Variants in SMYD3 observed in about 807,000 individuals in gnomAD.
The protein encoded by SMYD3 is histone-lysine N-methyltransferase SMYD3.
SMYD3 carries 36 observed loss-of-function variants against 57.7 expected under a neutral mutation model. That is an observed-to-expected ratio of 0.62 (90% CI 0.48 to 0.82). SMYD3 has a LOEUF of 0.82. SMYD3 is among the 40% of genes least tolerant of loss of function. SMYD3 has a pLI of 0.00. For missense variants in SMYD3, 515 were observed against 538.8 expected, an observed-to-expected ratio of 0.96 and a Z score of 0.44; for synonymous variants, 211 against 195.0, an observed-to-expected ratio of 1.08 and a Z score of -0.68.
intron 5 of SMYD3, among the ~76,000 whole-genome samples, chr1:246,323,066 C>T (rs1006693105): frequency 5.3e-5 from 8 of 152,218 alleles, no homozygotes; most frequent in African/African-American, 1.9e-4. Flanking sequence ...TGTTTCCCAA[C>T]ACCAGCCTCG....
At chr1:245,810,169 G>A (rs994397712) in intron 10 of SMYD3, among the ~76,000 whole-genome samples, 4 of 152,200 alleles carry the variant, frequency 2.6e-5, no homozygotes, top group Admixed American at 1.3e-4. Flanking sequence ...CAGAGCCTTC[G>A]AGTTAGAGCA....
At chr1:246,028,794 A>T (rs990262918) in intron 5 of SMYD3, among the ~76,000 whole-genome samples, 1 of 152,252 alleles carries the variant, frequency 6.6e-6, no homozygotes, top group Admixed American at 6.5e-5. Flanking sequence ...AGCAAAAATA[A>T]CAAAACAGGA....
intron 5 of SMYD3, among the ~76,000 whole-genome samples, chr1:246,087,851 C>A (rs773233488): frequency 6.6e-6 from 1 of 152,190 alleles, no homozygotes; most frequent in Non-Finnish European, 1.5e-5. Flanking sequence ...AGTACTCCAA[C>A]TGTTAACCAA....
At chr1:246,419,362 TC>T (rs2067108170) in intron 1 of SMYD3, among the ~76,000 whole-genome samples, 1 of 152,208 alleles carries the variant, frequency 6.6e-6, no homozygotes, top group Admixed American at 6.5e-5. Context: ...TGTGACACCC[TC>T]CACGTCCTCC....
chr1:245,948,513 G>C (rs1182682695), intron 5 of SMYD3, among the ~76,000 whole-genome samples: 1 of 152,126 alleles, frequency 6.6e-6, no homozygotes, highest in African/African-American at 2.4e-5. Context: ...GTGCTGCCCG[G>C]GGACCACGCT....
chr1:245,906,524 C>G (rs11800207), intron 8 of SMYD3, among the ~76,000 whole-genome samples: 2 of 152,112 alleles, frequency 1.3e-5, no homozygotes, highest in African/African-American at 2.4e-5. Flanking sequence ...GAAAAGGGAA[C>G]CCTTGTACAC....
intron 1 of SMYD3, among the ~76,000 whole-genome samples, chr1:246,357,304 A>G (rs2065922853): frequency 6.6e-6 from 1 of 152,150 alleles, no homozygotes; most frequent in African/African-American, 2.4e-5. Context: ...CAAAACCAAG[A>G]TAGTGATAAG....
rs529565664 is a variant in SMYD3, at chr1:246,249,525, T to G, written c.531+77676A>C. 2.1e-3 allele frequency among the ~76,000 whole-genome samples: 291 copies of G among 136,594 alleles called. 1 individual carries two copies. Among genetic ancestry groups the G allele is most frequent in the African/African-American group, 7.0e-3 (277 of 39,300 alleles). 89.6% of individuals were successfully genotyped at this position (136,594 alleles called of 152,430 possible). A position where few individuals can be genotyped will look rare whatever the true frequency, so the allele number is the denominator to read the frequency against. On this transcript the variant is annotated intron_variant, in intron 5 of 11. Transcript: ENST00000490107. ...AGTATGGATCCTAGTTTTTTGTTTT[T>G]TTTGTATTTTTTTTTGTAATTTCCT...
chr1:246,167,599 C>T (rs557408028), intron 5 of SMYD3, among the ~76,000 whole-genome samples: 12 of 151,768 alleles, frequency 7.9e-5, no homozygotes, highest in Non-Finnish European at 1.6e-4. Flanking sequence ...CAACCTCTGC[C>T]TCCCGGGTTC....
intron 8 of SMYD3, among the ~76,000 whole-genome samples, chr1:245,901,777 C>T (rs1249583193): frequency 6.6e-6 from 1 of 152,222 alleles, no homozygotes; most frequent in Non-Finnish European, 1.5e-5. Flanking sequence ...AGATAAGCAG[C>T]AGTCTCAGCC....
intron 5 of SMYD3, among the ~76,000 whole-genome samples, chr1:246,235,007 G>A (rs554948991): frequency 6.6e-5 from 10 of 152,264 alleles, no homozygotes; most frequent in Middle Eastern, 3.4e-3. Context: ...GGAATGTGGC[G>A]TTAAATCAAA....
In SMYD3 at chr1:246,229,476, AAAGTTTAC is replaced by A. The variant is rs567902788; in HGVS notation, c.531+97717_531+97724del. Among the ~76,000 whole-genome samples the A allele has an allele frequency of 6.6e-3, 1,009 of 152,366 alleles. 14 individuals are homozygous for A. Among genetic ancestry groups the A allele is most frequent in the African/African-American group, 0.022 (921 of 41,582 alleles). On this transcript the variant is annotated intron_variant, in intron 5 of 11. Transcript: ENST00000490107. ...TTTGCAACTCTCTTTATAGAAGGAT[AAAGTTTAC>A]AATTGCCCTTTATCCATCTTATAGA...
intron 5 of SMYD3, among the ~76,000 whole-genome samples, chr1:245,940,565 A>C (rs138213450): frequency 1.3e-5 from 2 of 149,122 alleles, no homozygotes; most frequent in East Asian, 4.0e-4. Context: ...TGACTGTTAA[A>C]AAAACAAAAC....
At chr1:246,326,933 T>C (rs1323083273) in intron 5 of SMYD3, 6 of 468,472 alleles carry the variant, frequency 1.3e-5, no homozygotes, top group East Asian at 4.0e-5. Context: ...AAAGAAAGCA[T>C]ACTCTTTCTT....
intron 11 of SMYD3, among the ~76,000 whole-genome samples, chr1:245,762,665 CTTTA>C (rs1177115569): frequency 6.6e-6 from 1 of 152,204 alleles, no homozygotes; most frequent in Admixed American, 6.5e-5. Context: ...CACACGCTGA[CTTTA>C]TTTAGAGATC....
At position 246,422,959 on chromosome 1, in the gene SMYD3, TAAAC is replaced by T. The variant is rs2067164258; in HGVS notation, c.165-67869_165-67866del. On this transcript the variant is annotated intron_variant, in intron 1 of 11. Coordinates refer to ENST00000490107, the MANE Select transcript of SMYD3 (RefSeq NM_001167740.2). ...AAATTCAAAAGAAGAAAAAAAACAA[TAAAC>T]AAACACATACATCACACAGTGGTAA... is the stretch of plus-strand genomic sequence containing the variant. 2.6e-5 allele frequency among the ~76,000 whole-genome samples: 4 copies of T among 151,848 alleles called. No individual in the cohort carries two copies. The South Asian group carries it at 8.3e-4, about 32-fold the overall frequency.
chr1:246,326,888 C>CA (rs1437036812), intron 5 of SMYD3: 2 of 362,890 alleles, frequency 5.5e-6, no homozygotes, highest in Admixed American at 4.6e-5. Flanking sequence ...AGTCCATTCA[C>CA]AAAAAATAAT....
At chr1:245,890,517 T>C (rs546159053) in intron 8 of SMYD3, among the ~76,000 whole-genome samples, 2 of 152,216 alleles carry the variant, frequency 1.3e-5, no homozygotes, top group East Asian at 3.9e-4. Flanking sequence ...AAAACTACAA[T>C]GAGATATCAT....
chr1:246,125,400 G>A (rs185492429), intron 5 of SMYD3, among the ~76,000 whole-genome samples: 164 of 152,248 alleles, frequency 1.1e-3, no homozygotes, highest in African/African-American at 3.7e-3. Context: ...CTGTACCTAT[G>A]TGGTAAATGG....
Sources: allele counts gnomAD v4.1 joint callset (sites outside exome capture counted in the v4.1 genomes callset), GRCh38; gene constraint gnomAD v4.1.1; transcripts MANE v1.5; gene names NCBI Gene and HGNC (gene_info 2026-07-23, HGNC 2026-07-21).